The following ATP6V1A variants were observed in gnomAD, a reference collection of about 807,000 sequenced individuals.
ATP6V1A encodes the protein ATPase H+ transporting V1 subunit A, also known as V-type proton ATPase catalytic subunit A.
ATP6V1A carries 18 observed loss-of-function variants against 70.1 expected under a neutral mutation model. The observed-to-expected ratio is 0.26, with a 90% confidence interval of 0.18 to 0.38. ATP6V1A has a LOEUF of 0.38. Ranked by LOEUF, ATP6V1A falls within the 10% of genes least tolerant of loss-of-function variation. The pLI is 1.00. For missense variants in ATP6V1A, 424 were observed against 772.4 expected, an observed-to-expected ratio of 0.55 and a Z score of 5.35; for synonymous variants, 232 against 253.8, an observed-to-expected ratio of 0.91 and a Z score of 0.82.
chr3:113,749,226 G>C (rs1708557791), intron 1 of ATP6V1A, among the ~76,000 whole-genome samples: 1 of 148,062 alleles, frequency 6.8e-6, no homozygotes, highest in East Asian at 2.0e-4. Flanking sequence ...TGCTAGTAAG[G>C]TTAAATGTGA....
chr3:113,755,321 C>T (rs1278181451), intron 1 of ATP6V1A, among the ~76,000 whole-genome samples: 4 of 151,166 alleles, frequency 2.6e-5, no homozygotes, highest in South Asian at 2.1e-4. Context: ...ATATATTTGC[C>T]AGCTGGGTGC....
At chr3:113,753,395 C>G (rs913048251) in intron 1 of ATP6V1A, among the ~76,000 whole-genome samples, 3 of 152,186 alleles carry the variant, frequency 2.0e-5, no homozygotes, top group Non-Finnish European at 4.4e-5. Flanking sequence ...TCAGTTAATA[C>G]TGAGAATACA....
intron 1 of ATP6V1A, among the ~76,000 whole-genome samples, chr3:113,762,936 A>G (rs1392499719): frequency 6.6e-6 from 1 of 152,156 alleles, no homozygotes; most frequent in Non-Finnish European, 1.5e-5. Flanking sequence ...TTTTGAGTCA[A>G]AAGGCTTGAA....
At chr3:113,807,664 CTATA>C (rs148289472) in intron 14 of ATP6V1A, among the ~76,000 whole-genome samples, 291 of 152,056 alleles carry the variant, frequency 1.9e-3, no homozygotes, top group South Asian at 4.4e-3. Context: ...TCTTAAAAAA[CTATA>C]TATTCATAGA....
intron 12 of ATP6V1A, among the ~76,000 whole-genome samples, chr3:113,802,165 ATACT>A (rs1470103472): frequency 1.3e-5 from 2 of 152,326 alleles, no homozygotes; most frequent in Non-Finnish European, 2.9e-5. Flanking sequence ...AGAGTAGTAC[ATACT>A]TACTGTACTT....
intron 11 of ATP6V1A, among the ~76,000 whole-genome samples, chr3:113,797,418 G>A (rs946659637): frequency 2.0e-5 from 3 of 149,132 alleles, no homozygotes; most frequent in Non-Finnish European, 3.0e-5. Context: ...CACCACGCCC[G>A]GATAATTTTT....
At position 113,784,650 on chromosome 3, in the gene ATP6V1A, C is replaced by T. The variant is rs377202916; in HGVS notation, c.427-46C>T. 3 of 1,602,438 alleles carry T rather than the reference C, an allele frequency of 1.9e-6. No individual in the cohort carries two copies. The African/African-American group carries it at 4.0e-5, about 21-fold the overall frequency. On this transcript the variant is annotated intron_variant, in intron 4 of 14. Transcript: ENST00000273398. The stretch of plus-strand genomic sequence containing the variant: ...AATTATAGCAGCAGGGGCAAGTCTA[C>T]TTGACATTTATTTGCAAATTAAACA...
intron 12 of ATP6V1A, 21 bp from the exon 13 acceptor site, chr3:113,803,562 A>C (rs780135785): frequency 6.4e-7 from 1 of 1,551,542 alleles, no homozygotes; most frequent in East Asian, 2.3e-5. Context: ...AAATGTCTAA[A>C]AATATCTTTT....
intron 1 of ATP6V1A, among the ~76,000 whole-genome samples, chr3:113,759,939 G>T (rs1372315397): frequency 6.6e-6 from 1 of 152,166 alleles, no homozygotes; most frequent in East Asian, 1.9e-4. Context: ...TTATAGTCTG[G>T]AAGTGAAGAC....
intron 12 of ATP6V1A, 122 bp downstream of exon 12, chr3:113,798,568 T>C: frequency 1.2e-6 from 1 of 834,070 alleles, no homozygotes; most frequent in Non-Finnish European, 1.7e-6. Flanking sequence ...TAAATATTTT[T>C]AATTGAAATT....
chr3:113,795,964 A>C, intron 11 of ATP6V1A, 25 bp downstream of exon 11: 1 of 1,576,028 alleles, frequency 6.3e-7, no homozygotes, highest in African/African-American at 1.4e-5. Context: ...AGTATAGTCA[A>C]CTTCTGAGCC....
At chr3:113,768,043 C>G (rs549368679) in intron 1 of ATP6V1A, among the ~76,000 whole-genome samples, 10 of 152,202 alleles carry the variant, frequency 6.6e-5, no homozygotes, top group Non-Finnish European at 1.3e-4. Flanking sequence ...AAATTCCATT[C>G]CCAGTTTAAG....
chr3:113,806,109 CA>C (rs753155735), intron 14 of ATP6V1A, among the ~76,000 whole-genome samples: 5 of 151,940 alleles, frequency 3.3e-5, no homozygotes, highest in African/African-American at 4.8e-5. Context: ...CCCGTCTCTA[CA>C]AAAAATACAA....
intron 1 of ATP6V1A, among the ~76,000 whole-genome samples, chr3:113,753,684 A>G (rs978595800): frequency 1.4e-5 from 2 of 145,966 alleles, no homozygotes; most frequent in African/African-American, 2.5e-5. Context: ...AAGGATTTCT[A>G]TCATGTGTCT....
rs960408666 is a variant in ATP6V1A, at chr3:113,810,831, T to C, written c.*1404T>C. 1.3e-5 allele frequency: 2 copies of C among 152,248 alleles called. No homozygotes were observed. The highest frequency in any genetic ancestry group is 2.4e-5 in the African/African-American group (1 of 41,460). The allele number at this position is 152,248 out of a possible 1,614,324, so 9.4% of individuals were successfully genotyped here. ...AATTTTTGAACAGCCAGTTGACCAA[T>C]CATAGAAAGTATTACTTTCTTTCAT... On this transcript the variant is annotated 3_prime_UTR_variant, in exon 15 of 15. Transcript: ENST00000273398.
chr3:113,795,089 G>A lies in ATP6V1A; in HGVS notation c.1112-1G>A. 6.2e-7 allele frequency: 1 copy of A among 1,613,766 alleles called. No individual in the cohort carries two copies. The highest frequency in any genetic ancestry group is 8.5e-7 in the Non-Finnish European group (1 of 1,179,942). Reference sequence around the variant, plus strand: ...TTTTAAAATTTCTTTTCATTTTTCAGATAGTGGATATCCAGCCTATCTTGG... The same window carrying A: ...TTTTAAAATTTCTTTTCATTTTTCAAATAGTGGATATCCAGCCTATCTTGG... On this transcript the variant is annotated splice_acceptor_variant, in intron 9 of 14. Transcript: ENST00000273398. LOFTEE classifies it high-confidence loss of function.
At chr3:113,804,873 A>T (rs1338299420) in intron 13 of ATP6V1A, among the ~76,000 whole-genome samples, 1 of 152,242 alleles carries the variant, frequency 6.6e-6, no homozygotes, top group Non-Finnish European at 1.5e-5. Flanking sequence ...AAACACATTA[A>T]GAAAAAAGGG....
At position 113,811,956 on chromosome 3, in the gene ATP6V1A, T is replaced by TA. The variant is rs1348307195; in HGVS notation, c.*2530dup. The TA allele has an allele frequency of 6.6e-6, 1 of 152,630 alleles. No individual in the cohort carries two copies. The highest frequency in any genetic ancestry group is 2.4e-5 in the African/African-American group (1 of 41,450). The allele number at this position is 152,630 out of a possible 1,614,324, so 9.5% of individuals were successfully genotyped here. A position where few individuals can be genotyped will look rare whatever the true frequency, so the allele number is the denominator to read the frequency against. ...CCTGAATAACGAATAGAAGAGGCCATATATATTGCCTCCTTATCCTTGAGA... is the reference window on the plus strand; with the variant it reads ...CCTGAATAACGAATAGAAGAGGCCATAATATATTGCCTCCTTATCCTTGAGA... On this transcript the variant is annotated 3_prime_UTR_variant, in exon 15 of 15. Transcript: ENST00000273398.
At chr3:113,755,354 A>G (rs1708635821) in intron 1 of ATP6V1A, among the ~76,000 whole-genome samples, 1 of 151,328 alleles carries the variant, frequency 6.6e-6, no homozygotes, top group African/African-American at 2.4e-5. Flanking sequence ...CTGTAATCCC[A>G]GCACTTTGGG....
Sources: allele counts gnomAD v4.1 joint callset (sites outside exome capture counted in the v4.1 genomes callset), GRCh38; gene constraint gnomAD v4.1.1; transcripts MANE v1.5; gene names NCBI Gene and HGNC (gene_info 2026-07-23, HGNC 2026-07-21).